SAMHD1: variants seen among roughly 807,000 people sequenced by gnomAD.
SAMHD1 encodes SAM and HD domain containing deoxynucleoside triphosphate triphosphohydrolase 1, also known as deoxynucleoside triphosphate triphosphohydrolase SAMHD1.
In SAMHD1, 54 loss-of-function variants were observed where a neutral mutation model predicts 79.6. The observed-to-expected ratio is 0.68, with a 90% CI of 0.55 to 0.85. SAMHD1 has a LOEUF of 0.85. Among genes scored for constraint, SAMHD1 ranks in the 40% least tolerant of loss-of-function variants. The pLI is 0.00. For missense variants in SAMHD1, 663 were observed against 782.7 expected, an observed-to-expected ratio of 0.85 and a Z score of 1.82; for synonymous variants, 260 against 264.1, an observed-to-expected ratio of 0.98 and a Z score of 0.15.
intron 5 of SAMHD1, among the ~76,000 whole-genome samples, chr20:36,928,629 G>C (rs753109765): frequency 2.6e-5 from 4 of 151,534 alleles, no homozygotes; most frequent in Non-Finnish European, 5.9e-5. Context: ...AGGTTGCAGT[G>C]AGCCGAGATT....
chr20:36,928,414 C>T (rs1466938596), intron 5 of SAMHD1, among the ~76,000 whole-genome samples: 13 of 130,144 alleles, frequency 1.0e-4, no homozygotes, highest in African/African-American at 2.6e-4. Context: ...GGGCTGGGCG[C>T]GGTGGCTCAT....
At chr20:36,937,915 C>G (rs1354609239) in intron 3 of SAMHD1, among the ~76,000 whole-genome samples, 1 of 145,524 alleles carries the variant, frequency 6.9e-6, no homozygotes, top group African/African-American at 2.6e-5. Context: ...TGGAGTGCAG[C>G]GGCGTGATCA....
rs6072746 is a variant in SAMHD1, at chr20:36,930,949, A to C, written c.510-74T>G. ...GATAGTTCTGGTCCTCAAGAACTTC[A>C]GTATGTTTCCTTAAACATTCTAACA... is the stretch of plus-strand genomic sequence containing the variant. On this transcript the variant is annotated intron_variant, in intron 4 of 15. Transcript: ENST00000646673. 422,473 of 962,700 alleles carry C rather than the reference A, an allele frequency of 0.44. 96,717 individuals carry two copies. The highest frequency in any genetic ancestry group is 0.58 in the South Asian group (45,294 of 77,632). 59.6% of individuals were successfully genotyped at this position (962,700 alleles called of 1,614,324 possible).
At chr20:36,912,396 T>C (rs2063445698) in intron 10 of SAMHD1, 65 bp downstream of exon 10, 2 of 933,488 alleles carry the variant, frequency 2.1e-6, no homozygotes, top group Non-Finnish European at 3.5e-6. Context: ...TAGTTGAGCC[T>C]AGTATGATAC....
chr20:36,901,495 G>C (rs1990305870), intron 13 of SAMHD1, among the ~76,000 whole-genome samples: 2 of 152,158 alleles, frequency 1.3e-5, no homozygotes, highest in South Asian at 4.1e-4. Context: ...CAGCACTTCA[G>C]GAGGCTAAGG....
intron 11 of SAMHD1, among the ~76,000 whole-genome samples, chr20:36,909,484 C>T (rs1329169597): frequency 1.3e-5 from 2 of 151,718 alleles, no homozygotes; most frequent in Non-Finnish European, 2.9e-5. Flanking sequence ...GCCTGGCTGA[C>T]ATGGTGAAAC....
chr20:36,947,931 C>A (rs1276211819), intron 1 of SAMHD1, among the ~76,000 whole-genome samples: 1 of 152,006 alleles, frequency 6.6e-6, no homozygotes, highest in African/African-American at 2.4e-5. Flanking sequence ...ACTGGCCTCC[C>A]AAAGTGCTGG....
At chr20:36,904,412 A>G (rs2063393753) in intron 12 of SAMHD1, 163 bp from the exon 13 acceptor site, 1 of 648,748 alleles carries the variant, frequency 1.5e-6, no homozygotes, top group African/African-American at 1.8e-5. Context: ...CAAAGAGAGC[A>G]TTTTTGTAAA....
intron 15 of SAMHD1, among the ~76,000 whole-genome samples, chr20:36,895,524 T>C (rs187356117): frequency 3.2e-4 from 49 of 152,144 alleles, no homozygotes; most frequent in Middle Eastern, 3.4e-3. Context: ...AACTAGATTA[T>C]TATCCCCAAC....
chr20:36,911,251 T>C lies in SAMHD1; in HGVS notation c.1237A>G (p.Ile413Val). ...TTAGTATAGGCTTCCATGTCGTCAA[T>C]TGCTGTAGAAATGCGATACTTTTTT... Reference protein sequence around the residue: ...GGKKYRISTAIDDMEAYTKLT... With the variant: ...GGKKYRISTAVDDMEAYTKLT... The change falls in exon 11 of 16, where the codon ATT becomes GTT. Residue 413 changes from isoleucine to valine, a missense_variant. Coordinates refer to ENST00000646673, the MANE Select transcript of SAMHD1 (RefSeq NM_015474.4). The C allele has an allele frequency of 6.2e-7, 1 of 1,613,404 alleles. No homozygotes were observed. The highest frequency in any genetic ancestry group is 8.5e-7 in the Non-Finnish European group (1 of 1,179,746).
In SAMHD1 at chr20:36,951,682, G is replaced by A. The variant is rs368233437; in HGVS notation, c.-39C>T. On this transcript the variant is annotated 5_prime_UTR_variant, in exon 1 of 16. Transcript: ENST00000646673. Reference sequence around the variant, plus strand: ...GTCCGGCACAGCAGTCAAGAACCTCGGCGCCGGACCCGCGCGCAGGCGCAC... The same window carrying A: ...GTCCGGCACAGCAGTCAAGAACCTCAGCGCCGGACCCGCGCGCAGGCGCAC... 3 of 1,610,284 alleles carry A rather than the reference G, an allele frequency of 1.9e-6. No homozygotes were observed. Among genetic ancestry groups the A allele is most frequent in the Admixed American group, 1.7e-5 (1 of 59,988 alleles).
At chr20:36,926,323 G>C (rs1233693885) in intron 6 of SAMHD1, among the ~76,000 whole-genome samples, 2 of 152,034 alleles carry the variant, frequency 1.3e-5, no homozygotes, top group Non-Finnish European at 2.9e-5. Context: ...AATAAAGCAA[G>C]GCATAAAATA....
chr20:36,900,494 C>T (rs1990283624), intron 13 of SAMHD1, among the ~76,000 whole-genome samples: 1 of 152,106 alleles, frequency 6.6e-6, no homozygotes, highest in Non-Finnish European at 1.5e-5. Context: ...GATCCACCTG[C>T]CTCAGCCTCC....
At chr20:36,930,409 T>C (rs1242584945) in intron 5 of SAMHD1, among the ~76,000 whole-genome samples, 1 of 152,072 alleles carries the variant, frequency 6.6e-6, no homozygotes, top group Non-Finnish European at 1.5e-5. Flanking sequence ...GGCACGAGAA[T>C]TGCTTGAAAC....
intron 2 of SAMHD1, chr20:36,946,439 T>C: frequency 3.7e-6 from 1 of 269,676 alleles, no homozygotes; most frequent in East Asian, 8.8e-5. Flanking sequence ...GAAAAAAAAT[T>C]AGTGGGGCAT....
rs146979945 is a variant in SAMHD1, at chr20:36,941,140, A to C, written c.276-29T>G. 1.1e-3 allele frequency: 1,633 copies of C among 1,462,342 alleles called. 2 individuals are homozygous for C. Among genetic ancestry groups the C allele is most frequent in the Non-Finnish European group, 1.4e-3 (1,495 of 1,042,810 alleles). 90.6% of individuals were successfully genotyped at this position (1,462,342 alleles called of 1,614,324 possible). On this transcript the variant is annotated intron_variant, in intron 2 of 15. Transcript: ENST00000646673. ...AAATTACAATAGGATAAGCAAGTCT[A>C]TCATTATTTGCTTAATAATAATCCC...
At chr20:36,903,635 T>G (rs1343701499) in intron 13 of SAMHD1, among the ~76,000 whole-genome samples, 1 of 146,294 alleles carries the variant, frequency 6.8e-6, no homozygotes, top group Non-Finnish European at 1.5e-5. Flanking sequence ...CTGCAACCTC[T>G]GCCTCCTGGG....
chr20:36,950,587 T>C (rs1339703937), intron 1 of SAMHD1, among the ~76,000 whole-genome samples: 1 of 152,176 alleles, frequency 6.6e-6, no homozygotes, highest in Non-Finnish European at 1.5e-5. Flanking sequence ...GGATGGATGC[T>C]TGGATACGAA....
chr20:36,895,857 T>G (rs1156332923), intron 15 of SAMHD1, among the ~76,000 whole-genome samples: 1 of 151,998 alleles, frequency 6.6e-6, no homozygotes, highest in East Asian at 1.9e-4. Flanking sequence ...GGGGGAAAAA[T>G]GGATGGCTGT....
Sources: allele counts gnomAD v4.1 joint callset (sites outside exome capture counted in the v4.1 genomes callset), GRCh38; gene constraint gnomAD v4.1.1; transcripts MANE v1.5; gene names NCBI Gene and HGNC (gene_info 2026-07-23, HGNC 2026-07-21).